The following ZNF385A variants were observed in gnomAD, a reference collection of about 807,000 sequenced individuals.
ZNF385A encodes the protein hematopoietic zinc finger protein.
In ZNF385A, 14 loss-of-function variants were observed where a neutral mutation model predicts 32.1. That is an observed-to-expected ratio of 0.44 (90% CI 0.29 to 0.68). The LOEUF (loss-of-function observed/expected upper bound fraction) is 0.68, where lower values mean the gene tolerates loss of function less well. ZNF385A is among the 30% of genes least tolerant of loss of function. The pLI is 0.14. For missense variants in ZNF385A, 406 were observed against 478.4 expected (o/e 0.85, Z 1.41); for synonymous variants, 197 against 202.7 (o/e 0.97, Z 0.24).
intron 1 of ZNF385A, among the ~76,000 whole-genome samples, chr12:54,382,070 ATT>A (rs1365865153): frequency 2.1e-5 from 3 of 142,896 alleles, no homozygotes; most frequent in African/African-American, 2.6e-5. Flanking sequence ...GTTAAATTGA[ATT>A]TTTTTTTTTT....
chr12:54,376,600 C>G (rs1027938724), intron 1 of ZNF385A, among the ~76,000 whole-genome samples: 1 of 152,188 alleles, frequency 6.6e-6, no homozygotes, highest in African/African-American at 2.4e-5. Flanking sequence ...GGGACCTAAG[C>G]AGCTGGGCTG....
At position 54,377,756 on chromosome 12, in the gene ZNF385A, T is replaced by G. The variant is rs1396743600; in HGVS notation, c.88-1802A>C. 3.3e-5 allele frequency among the ~76,000 whole-genome samples: 5 copies of G among 152,136 alleles called. No individual in the cohort carries two copies. The East Asian group carries it at 9.7e-4, about 29-fold the overall frequency. ...GACCCCCAACTCTGTTCCAGAGTTCTCCTCAGCCCTGGGCTTCCTCACATG... is the reference window on the plus strand; with the variant it reads ...GACCCCCAACTCTGTTCCAGAGTTCGCCTCAGCCCTGGGCTTCCTCACATG... On this transcript the variant is annotated intron_variant, in intron 1 of 6. Transcript: ENST00000394313.
At position 54,370,168 on chromosome 12, in the gene ZNF385A, G is replaced by T. The variant is rs1954442738; in HGVS notation, c.*88C>A. On this transcript the variant is annotated 3_prime_UTR_variant, in exon 7 of 7. Coordinates refer to ENST00000394313, the MANE Select transcript of ZNF385A (RefSeq NM_015481.3). The surrounding 1 kb of genome is among the most constrained non-coding windows in gnomAD (Gnocchi z 5.5). ...GGGGGAAGGAGAGATCATTTAGGGA[G>T]TGCCGGGAGGAGGGGCGGGCTGGGA... 9.9e-7 allele frequency: 1 copy of T among 1,011,702 alleles called. No individual in the cohort carries two copies. Among genetic ancestry groups the T allele is most frequent in the Non-Finnish European group, 1.4e-6 (1 of 722,390 alleles). 62.7% of individuals were successfully genotyped at this position (1,011,702 alleles called of 1,614,324 possible). A position where few individuals can be genotyped will look rare whatever the true frequency, so the allele number is the denominator to read the frequency against.
intron 1 of ZNF385A, among the ~76,000 whole-genome samples, chr12:54,380,579 C>G (rs1367514881): frequency 6.6e-6 from 1 of 152,166 alleles, no homozygotes; most frequent in South Asian, 2.1e-4. Flanking sequence ...CTTGGCTTCT[C>G]CAACTCTACA....
intron 3 of ZNF385A, among the ~76,000 whole-genome samples, chr12:54,372,737 A>G (rs1367331344): frequency 6.6e-6 from 1 of 152,198 alleles, no homozygotes; most frequent in Non-Finnish European, 1.5e-5. Flanking sequence ...CCAAAGTACA[A>G]TTAGAACTCA....
At position 54,369,938 on chromosome 12, in the gene ZNF385A, T is replaced by G. The variant is rs1954424064; in HGVS notation, c.*318A>C. On this transcript the variant is annotated 3_prime_UTR_variant, in exon 7 of 7. Transcript: ENST00000394313. ...TGTGAACCCCGTTTTGTGCTAGGTT[T>G]GGGGGGAAGGGCTGGATGGACATGG... 5 of 264,324 alleles carry G rather than the reference T, an allele frequency of 1.9e-5. No homozygotes were observed. Among genetic ancestry groups the G allele is most frequent in the African/African-American group, 2.3e-5 (1 of 44,320 alleles). 16.4% of individuals were successfully genotyped at this position (264,324 alleles called of 1,614,324 possible). A position where few individuals can be genotyped will look rare whatever the true frequency, so the allele number is the denominator to read the frequency against.
upstream of ZNF385A, chr12:54,385,651 C>A (rs769944086): frequency 9.4e-5 from 93 of 985,456 alleles, no homozygotes; most frequent in Non-Finnish European, 1.0e-4. Flanking sequence ...CTGTTCCCTC[C>A]AGACACCACC....
chr12:54,381,216 G>C, intron 1 of ZNF385A: 1 of 131,628 alleles, frequency 7.6e-6, no homozygotes, highest in East Asian at 2.5e-4. Flanking sequence ...AAAAGAAAAA[G>C]AAAAAAAGAA....
chr12:54,380,970 G>T (rs538217839), intron 1 of ZNF385A, among the ~76,000 whole-genome samples: 1 of 152,008 alleles, frequency 6.6e-6, no homozygotes, highest in Non-Finnish European at 1.5e-5. Context: ...GGCTGAGTCG[G>T]GCGGATCACA....
In ZNF385A at chr12:54,370,548, C is replaced by T; in HGVS notation, c.871-62G>A. On this transcript the variant is annotated intron_variant, in intron 6 of 6. Transcript: ENST00000394313. The surrounding 1 kb of genome is among the most constrained non-coding windows in gnomAD (Gnocchi z 5.5). ...CGGCGGTCCTGCAAACCCCACCTCT[C>T]CCTGGGCAAAGCCCGCGTCCCTCTC... The T allele has an allele frequency of 6.4e-7, 1 of 1,551,222 alleles. No individual in the cohort carries two copies. The highest frequency in any genetic ancestry group is 8.7e-7 in the Non-Finnish European group (1 of 1,146,750).
Position 54,378,954 on chromosome 12 carries a change from G to C in ZNF385A, c.88-3000C>G, listed in dbSNP as rs1025756436. 7.5e-6 allele frequency: 5 copies of C among 664,930 alleles called. No homozygotes were observed. The Admixed American group carries it at 1.9e-4, about 25-fold the overall frequency. The allele number at this position is 664,930 out of a possible 1,614,324, so 41.2% of individuals were successfully genotyped here. A position where few individuals can be genotyped will look rare whatever the true frequency, so the allele number is the denominator to read the frequency against. ...GTGGGGGATGGGCCGGACAGCCCGA[G>C]GACTAGGCAGAGGGAGCGGTAGCCA... On this transcript the variant is annotated intron_variant, in intron 1 of 6. Transcript: ENST00000394313.
rs1371942964 is a variant in ZNF385A, at chr12:54,369,442, A to C, written c.*814T>G. ...GCTACAGACTCGGCGAATCCTGCGA[A>C]GGGGAAGGGCGGGGGCGAGGCTTCT... On this transcript the variant is annotated 3_prime_UTR_variant, in exon 7 of 7. Transcript: ENST00000394313. The C allele has an allele frequency of 6.8e-6, 1 of 147,318 alleles. No homozygotes were observed. The highest frequency in any genetic ancestry group is 1.5e-5 in the Non-Finnish European group (1 of 66,860). The allele number at this position is 147,318 out of a possible 1,614,324, so 9.1% of individuals were successfully genotyped here. A position where few individuals can be genotyped will look rare whatever the true frequency, so the allele number is the denominator to read the frequency against.
intron 1 of ZNF385A, among the ~76,000 whole-genome samples, chr12:54,379,761 C>T (rs1955050498): frequency 6.6e-6 from 1 of 152,206 alleles, no homozygotes; most frequent in South Asian, 2.1e-4. Context: ...TCGTTCCTAA[C>T]TTCTTCCCAC....
At position 54,370,504 on chromosome 12, in the gene ZNF385A, C is replaced by T; in HGVS notation, c.871-18G>A. ...AGCGTGCCCTGAAGCGGGCGAAAGG[C>T]GGAGGAAGAGAAGTCACCCGGCGGT... On this transcript the variant is annotated intron_variant, in intron 6 of 6. Coordinates refer to ENST00000394313, the MANE Select transcript of ZNF385A (RefSeq NM_015481.3). The surrounding 1 kb of genome is among the most constrained non-coding windows in gnomAD (Gnocchi z 5.5). 6.4e-7 allele frequency: 1 copy of T among 1,551,006 alleles called. No individual in the cohort carries two copies.
In ZNF385A at chr12:54,371,099, G is replaced by A. The variant is rs1954523680; in HGVS notation, c.605-3C>T. The A allele has an allele frequency of 4.4e-6, 7 of 1,593,190 alleles. No homozygotes were observed. Among genetic ancestry groups the A allele is most frequent in the Non-Finnish European group, 5.1e-6 (6 of 1,171,680 alleles). ...CAGAATTGTCTTGTGCTTAGTACCT[G>A]GAGCCCAGAGAGGGCAGGAGGTAAG... On this transcript the variant is annotated splice_region_variant and splice_polypyrimidine_tract_variant and intron_variant, in intron 4 of 6. Coordinates refer to ENST00000394313, the MANE Select transcript of ZNF385A (RefSeq NM_015481.3).
At chr12:54,372,363 G>T (rs1204356146) in intron 3 of ZNF385A, among the ~76,000 whole-genome samples, 1 of 152,202 alleles carries the variant, frequency 6.6e-6, no homozygotes. Context: ...CCGGGTCATG[G>T]CGAGGCTGGC....
chr12:54,373,500 T>A (rs998380004), intron 3 of ZNF385A, among the ~76,000 whole-genome samples: 44 of 149,206 alleles, frequency 2.9e-4, no homozygotes, highest in Non-Finnish European at 4.1e-4. Context: ...AAAAAAAAAC[T>A]CTGACTAGGG....
In ZNF385A at chr12:54,376,691, G is replaced by A. The variant is rs145372604; in HGVS notation, c.88-737C>T. On this transcript the variant is annotated intron_variant, in intron 1 of 6. Coordinates refer to ENST00000394313, the MANE Select transcript of ZNF385A (RefSeq NM_015481.3). The stretch of plus-strand genomic sequence containing the variant: ...TAGGGCAGAGCTGTGGGGCTGGGCG[G>A]GATTAGGAACCATCCCTGTCCCCAC... 2.0e-3 allele frequency among the ~76,000 whole-genome samples: 304 copies of A among 152,286 alleles called. 1 individual carries two copies. In the East Asian group the frequency reaches 0.04, roughly 20 times the overall value.
At chr12:54,391,220 G>A (rs1167886748) in intron 1 of ZNF385A, 4 of 1,466,350 alleles carry the variant, frequency 2.7e-6, no homozygotes, top group Non-Finnish European at 1.8e-6. Context: ...GCCTGGAGTC[G>A]CAGAGACCAC....
Sources: allele counts gnomAD v4.1 joint callset (sites outside exome capture counted in the v4.1 genomes callset), GRCh38; gene constraint gnomAD v4.1.1; non-coding constraint Gnocchi (gnomAD v3.1); transcripts MANE v1.5; gene names NCBI Gene and HGNC (gene_info 2026-07-23, HGNC 2026-07-21).